MAGI1: variants seen among roughly 807,000 people sequenced by gnomAD.
MAGI1 encodes membrane-associated guanylate kinase, WW and PDZ domain-containing protein 1.
MAGI1 carries 58 observed loss-of-function variants against 139.9 expected under a neutral mutation model. The observed-to-expected ratio is 0.41, with a 90% CI of 0.34 to 0.52. The LOEUF is 0.52. Among genes scored for constraint, MAGI1 ranks in the 20% least tolerant of loss-of-function variants. The pLI, the probability that MAGI1 is intolerant of heterozygous loss-of-function variation, is 0.12. For missense variants in MAGI1, 1,874 were observed against 1,901.6 expected (o/e 0.99, Z 0.27); for synonymous variants, 812 against 737.9 (o/e 1.10, Z -1.63).
chr3:65,423,888 T>G (rs894893234), intron 12 of MAGI1, among the ~76,000 whole-genome samples: 1 of 152,212 alleles, frequency 6.6e-6, no homozygotes, highest in African/African-American at 2.4e-5. Flanking sequence ...TTTTCCCAAC[T>G]AAAACAGAAT....
chr3:65,772,744 G>A (rs2038059084), intron 1 of MAGI1, among the ~76,000 whole-genome samples: 1 of 152,192 alleles, frequency 6.6e-6, no homozygotes, highest in Admixed American at 6.5e-5. Flanking sequence ...AGGTAAATGA[G>A]TCTAAGTTTG....
intron 1 of MAGI1, among the ~76,000 whole-genome samples, chr3:65,949,827 T>C (rs2106928141): frequency 6.6e-6 from 1 of 152,258 alleles, no homozygotes; most frequent in South Asian, 2.1e-4. Context: ...CACATGCCTG[T>C]AATCCCAGCT....
chr3:65,509,949 G>A (rs1206079169), intron 2 of MAGI1, among the ~76,000 whole-genome samples: 2 of 152,188 alleles, frequency 1.3e-5, no homozygotes, highest in East Asian at 1.9e-4. Flanking sequence ...GCACGCAGAA[G>A]GAGATCTGAG....
chr3:65,701,386 A>G (rs751234602), intron 1 of MAGI1, among the ~76,000 whole-genome samples: 9 of 152,118 alleles, frequency 5.9e-5, no homozygotes, highest in Admixed American at 1.3e-4. Flanking sequence ...CCAAGTAGCT[A>G]GGATTACAAG....
chr3:65,651,020 G>C (rs556044333), intron 1 of MAGI1, among the ~76,000 whole-genome samples: 2 of 152,156 alleles, frequency 1.3e-5, no homozygotes, highest in South Asian at 2.1e-4. Flanking sequence ...CAAAAAAATT[G>C]TTTCTTTAAG....
chr3:65,652,630 A>G (rs1453817478), intron 1 of MAGI1, among the ~76,000 whole-genome samples: 1 of 151,954 alleles, frequency 6.6e-6, no homozygotes, highest in Non-Finnish European at 1.5e-5. Flanking sequence ...ATGTAACTCA[A>G]CTCTCCTTTA....
chr3:65,822,054 G>C (rs2041979215), intron 1 of MAGI1, among the ~76,000 whole-genome samples: 1 of 152,176 alleles, frequency 6.6e-6, no homozygotes, highest in Non-Finnish European at 1.5e-5. Context: ...ACAAAGAGCA[G>C]AGGAACATGT....
At chr3:65,379,225 TG>T (rs769680959) in intron 17 of MAGI1, 35 bp downstream of exon 17, 46 of 1,607,198 alleles carry the variant, frequency 2.9e-5, no homozygotes, top group Non-Finnish European at 3.7e-5. Context: ...CCAGGCATGG[TG>T]GGAAACCCTG....
intron 2 of MAGI1, among the ~76,000 whole-genome samples, chr3:65,580,494 T>G (rs1321290447): frequency 2.0e-5 from 3 of 152,214 alleles, no homozygotes; most frequent in African/African-American, 7.2e-5. Flanking sequence ...AAACAACTTT[T>G]GCAGAATAAA....
chr3:65,800,889 G>C (rs2040472521), intron 1 of MAGI1, among the ~76,000 whole-genome samples: 2 of 152,094 alleles, frequency 1.3e-5, no homozygotes, highest in South Asian at 2.1e-4. Context: ...ATTAATTGTG[G>C]TTTTCGCCAT....
rs186277741 is a variant in MAGI1 at position 65,808,453 on chromosome 3, G to A, written c.314-186365C>T. 3.0e-4 allele frequency among the ~76,000 whole-genome samples: 46 copies of A among 152,144 alleles called. No homozygotes were observed. The South Asian group carries it at 3.3e-3, about 11-fold the overall frequency. On this transcript the variant is annotated intron_variant, in intron 1 of 22. Coordinates refer to ENST00000402939, the MANE Select transcript of MAGI1 (RefSeq NM_001033057.2). ...GGCAGAGGTTACAGTCACCCAAATC[G>A]TGCCACTGCAATCCAGCCTGGATGA...
At chr3:65,494,604 T>A (rs1252826152) in intron 2 of MAGI1, among the ~76,000 whole-genome samples, 1 of 152,200 alleles carries the variant, frequency 6.6e-6, no homozygotes, top group Non-Finnish European at 1.5e-5. Flanking sequence ...TAGCAAGGCA[T>A]TATTACCTGC....
At chr3:65,897,657 A>C (rs1345429805) in intron 1 of MAGI1, among the ~76,000 whole-genome samples, 2 of 151,954 alleles carry the variant, frequency 1.3e-5, no homozygotes, top group Non-Finnish European at 2.9e-5. Flanking sequence ...TATAATTAAA[A>C]AACAACAACA....
chr3:65,581,934 T>C lies in MAGI1; in HGVS notation c.430+40038A>G, dbSNP rs891721511. Among the ~76,000 whole-genome samples the C allele has an allele frequency of 1.1e-4, 16 of 152,166 alleles. No individual in the cohort carries two copies. The South Asian group carries it at 1.2e-3, about 12-fold the overall frequency. On this transcript the variant is annotated intron_variant, in intron 2 of 22. Coordinates refer to ENST00000402939, the MANE Select transcript of MAGI1 (RefSeq NM_001033057.2). ...GACACTTAGAAAAGTGCCAGGAACATAGTAGATGTTTGATAAATATCTTTT... is the reference window on the plus strand; with the variant it reads ...GACACTTAGAAAAGTGCCAGGAACACAGTAGATGTTTGATAAATATCTTTT...
At chr3:65,359,141 G>A in intron 22 of MAGI1, 9 of 1,613,716 alleles carry the variant, frequency 5.6e-6, no homozygotes, top group Non-Finnish European at 7.6e-6. Flanking sequence ...GCGATATTAG[G>A]AGGTATCATC....
At chr3:65,701,520 T>C (rs1306901819) in intron 1 of MAGI1, among the ~76,000 whole-genome samples, 1 of 152,116 alleles carries the variant, frequency 6.6e-6, no homozygotes, top group Non-Finnish European at 1.5e-5. Flanking sequence ...CCCAAAATGC[T>C]AGGATTACAG....
chr3:65,466,302 A>AT (rs563340934), intron 5 of MAGI1, among the ~76,000 whole-genome samples: 11 of 151,996 alleles, frequency 7.2e-5, no homozygotes, highest in South Asian at 2.1e-4. Flanking sequence ...ATAATAAGTG[A>AT]TTTTTTTTAT....
intron 12 of MAGI1, among the ~76,000 whole-genome samples, chr3:65,422,143 G>A (rs1466760449): frequency 6.6e-6 from 1 of 152,218 alleles, no homozygotes; most frequent in Non-Finnish European, 1.5e-5. Context: ...TGTCTACACT[G>A]TCCTATATCG....
intron 1 of MAGI1, among the ~76,000 whole-genome samples, chr3:65,964,730 C>G (rs75056484): frequency 0.037 from 5,659 of 152,262 alleles, 351 homozygotes; most frequent in African/African-American, 0.13. Flanking sequence ...ACACCTTTGT[C>G]TCCCTGACCA....
Sources: gnomAD v4.1 joint callset for allele counts (sites outside exome capture counted in the v4.1 genomes callset) on GRCh38, gnomAD v4.1.1 for gene constraint, MANE v1.5 for transcripts, NCBI Gene and HGNC (gene_info 2026-07-23, HGNC 2026-07-21) for gene names.